ZNF704: variants seen among roughly 807,000 people sequenced by gnomAD.
ZNF704 encodes the protein glucocorticoid induced gene 1.
ZNF704 carries 10 observed loss-of-function variants against 44.7 expected under a neutral mutation model. The ratio of observed to expected loss-of-function variants is 0.22; its 90% CI spans 0.14 to 0.38. The LOEUF (loss-of-function observed/expected upper bound fraction) is 0.38, where lower values mean the gene tolerates loss of function less well. Ranked by LOEUF, ZNF704 falls within the 10% of genes least tolerant of loss-of-function variation. The pLI is 1.00. For missense variants in ZNF704, 390 were observed against 545.5 expected (o/e 0.71, Z 2.84); for synonymous variants, 211 against 207.6 (o/e 1.02, Z -0.14).
intron 4 of ZNF704, among the ~76,000 whole-genome samples, chr8:80,676,262 T>C (rs567528548): frequency 6.6e-6 from 1 of 152,296 alleles, no homozygotes; most frequent in African/African-American, 2.4e-5. Flanking sequence ...CTATGAGCAG[T>C]CAAGGGAGGG....
At chr8:80,878,253 A>AAAGGAAGGAAGG (rs746307538), upstream of ZNF704, among the ~76,000 whole-genome samples, 1,375 of 140,104 alleles carry the variant, frequency 9.8e-3, 18 homozygotes, top group Middle Eastern at 0.014. Flanking sequence ...AAAGAGAAAG[A>AAAGGAAGGAAGG]AAGGAAGGAA....
At chr8:80,773,245 CTTACTT>C (rs1282911042) in intron 2 of ZNF704, among the ~76,000 whole-genome samples, 1 of 152,074 alleles carries the variant, frequency 6.6e-6, no homozygotes, top group Non-Finnish European at 1.5e-5. Flanking sequence ...TTTTGAGACT[CTTACTT>C]TTATTTATGT....
At chr8:80,679,662 T>C (rs2131624010) in intron 4 of ZNF704, among the ~76,000 whole-genome samples, 1 of 152,288 alleles carries the variant, frequency 6.6e-6, no homozygotes, top group South Asian at 2.1e-4. Flanking sequence ...CAGAATGGTC[T>C]TCTTCATGTA....
At chr8:80,787,522 A>T (rs1326972219) in intron 2 of ZNF704, among the ~76,000 whole-genome samples, 1 of 152,208 alleles carries the variant, frequency 6.6e-6, no homozygotes, top group Non-Finnish European at 1.5e-5. Context: ...ATGCACCTAT[A>T]GTCTTACAAA....
At chr8:80,836,437 C>T (rs1563571288) in intron 1 of ZNF704, among the ~76,000 whole-genome samples, 1 of 152,078 alleles carries the variant, frequency 6.6e-6, no homozygotes, top group Non-Finnish European at 1.5e-5. Context: ...TTGCAATGTT[C>T]CCCTCTCCCT....
chr8:80,671,662 G>A (rs1313593577), intron 4 of ZNF704, among the ~76,000 whole-genome samples: 1 of 152,124 alleles, frequency 6.6e-6, no homozygotes, highest in Non-Finnish European at 1.5e-5. Context: ...GTTCCCTTGG[G>A]TATGGTGACA....
At chr8:80,727,444 T>C (rs1806503481) in intron 2 of ZNF704, among the ~76,000 whole-genome samples, 1 of 152,004 alleles carries the variant, frequency 6.6e-6, no homozygotes, top group Admixed American at 6.6e-5. Context: ...TTTTTTTTTT[T>C]CGTTTTTAAA....
intron 2 of ZNF704, among the ~76,000 whole-genome samples, chr8:80,698,443 G>T (rs1818758791): frequency 6.6e-6 from 1 of 152,136 alleles, no homozygotes; most frequent in Non-Finnish European, 1.5e-5. Context: ...AGTGCAGTGT[G>T]CTTGGGAGGG....
intron 2 of ZNF704, among the ~76,000 whole-genome samples, chr8:80,750,023 C>T (rs1351308405): frequency 3.3e-5 from 5 of 152,114 alleles, no homozygotes; most frequent in Non-Finnish European, 7.3e-5. Flanking sequence ...GAACTTAGTC[C>T]TGTGTCCTGG....
intron 2 of ZNF704, among the ~76,000 whole-genome samples, chr8:80,779,585 C>T (rs1178054310): frequency 6.6e-6 from 1 of 152,084 alleles, no homozygotes; most frequent in African/African-American, 2.4e-5. Flanking sequence ...AGAATGACAT[C>T]TTTACATTAT....
intron 2 of ZNF704, among the ~76,000 whole-genome samples, chr8:80,709,806 G>A (rs1469058482): frequency 6.6e-6 from 1 of 152,172 alleles, no homozygotes; most frequent in Non-Finnish European, 1.5e-5. Flanking sequence ...CAGGGAGGAT[G>A]GCCTCGGTGG....
At chr8:80,715,950 C>T (rs1241717595) in intron 2 of ZNF704, among the ~76,000 whole-genome samples, 1 of 152,038 alleles carries the variant, frequency 6.6e-6, no homozygotes, top group Admixed American at 6.5e-5. Flanking sequence ...CATGGTGGCT[C>T]ATGCCTGTAA....
intron 2 of ZNF704, among the ~76,000 whole-genome samples, chr8:80,808,875 A>C (rs959759058): frequency 6.6e-6 from 1 of 152,230 alleles, no homozygotes; most frequent in Non-Finnish European, 1.5e-5. Flanking sequence ...TTTCTGTTTT[A>C]TTCAGTAGCC....
chr8:80,674,819 A>C (rs1232790097), intron 4 of ZNF704, among the ~76,000 whole-genome samples: 1 of 152,156 alleles, frequency 6.6e-6, no homozygotes, highest in Non-Finnish European at 1.5e-5. Context: ...CTTCCTGCCC[A>C]TTTTTCAAAT....
At chr8:80,855,134 A>G (rs907330401) in intron 1 of ZNF704, among the ~76,000 whole-genome samples, 1 of 152,212 alleles carries the variant, frequency 6.6e-6, no homozygotes, top group Non-Finnish European at 1.5e-5. Flanking sequence ...TCAATAGTAT[A>G]TCGTCTGTAC....
intron 4 of ZNF704, among the ~76,000 whole-genome samples, chr8:80,677,339 G>A (rs1818384408): frequency 6.6e-6 from 1 of 152,046 alleles, no homozygotes; most frequent in East Asian, 1.9e-4. Flanking sequence ...TTTTTAAATT[G>A]ACAAGTAGTT....
intron 2 of ZNF704, among the ~76,000 whole-genome samples, chr8:80,756,669 T>C (rs1807041311): frequency 6.6e-6 from 1 of 152,216 alleles, no homozygotes; most frequent in Admixed American, 6.5e-5. Flanking sequence ...ATAATTTTGG[T>C]GAATATGCAC....
intron 2 of ZNF704, among the ~76,000 whole-genome samples, chr8:80,735,164 A>C (rs1252966240): frequency 6.6e-6 from 1 of 152,218 alleles, no homozygotes; most frequent in East Asian, 1.9e-4. Context: ...TCCACTTTAT[A>C]TAAGTTAGTC....
chr8:80,774,587 T>C (rs1807379410), intron 2 of ZNF704, among the ~76,000 whole-genome samples: 1 of 152,026 alleles, frequency 6.6e-6, no homozygotes, highest in Non-Finnish European at 1.5e-5. Flanking sequence ...GGGTAATTAC[T>C]GCCCAGGGGG....
Sources: gnomAD v4.1 joint callset for allele counts (sites outside exome capture counted in the v4.1 genomes callset) on GRCh38, gnomAD v4.1.1 for gene constraint, MANE v1.5 for transcripts, NCBI Gene and HGNC (gene_info 2026-07-23, HGNC 2026-07-21) for gene names.